The following RARB variants were observed in gnomAD, a reference collection of about 807,000 sequenced individuals.
RARB encodes the protein HBV-activated protein.
Under a neutral mutation model 51.9 loss-of-function variants are expected in RARB, and 17 were observed. The ratio of observed to expected loss-of-function variants is 0.33; its 90% CI spans 0.22 to 0.49. RARB has a LOEUF of 0.49. Ranked by LOEUF, RARB falls within the 20% of genes least tolerant of loss-of-function variation. RARB has a pLI of 0.99. For missense variants in RARB, 369 were observed against 550.8 expected (o/e 0.67, Z 3.30); for synonymous variants, 215 against 195.4 (o/e 1.10, Z -0.84).
At chr3:25,364,420 G>A (rs1706048825) in intron 5 of RARB, among the ~76,000 whole-genome samples, 1 of 152,176 alleles carries the variant, frequency 6.6e-6, no homozygotes, top group African/African-American at 2.4e-5. Context: ...CCAGAATAAT[G>A]CACATCTGCA....
intron 5 of RARB, among the ~76,000 whole-genome samples, chr3:25,321,603 G>A (rs987637299): frequency 4.6e-5 from 7 of 151,972 alleles, no homozygotes; most frequent in African/African-American, 1.7e-4. Context: ...TGTAATCCCA[G>A]CTACTCGGGA....
At chr3:25,175,665 A>C (rs1700729018) in intron 5 of RARB, among the ~76,000 whole-genome samples, 1 of 152,204 alleles carries the variant, frequency 6.6e-6, no homozygotes, top group Non-Finnish European at 1.5e-5. Context: ...AGATAGGCAA[A>C]CAGATGATAG....
chr3:25,060,005 C>T (rs1241734149), intron 2 of RARB: 1 of 151,656 alleles, frequency 6.6e-6, no homozygotes, highest in African/African-American at 2.4e-5. Context: ...GCATCTTTCC[C>T]TATTAAAATA....
intron 2 of RARB, among the ~76,000 whole-genome samples, chr3:24,874,394 A>C (rs1353529197): frequency 1.3e-5 from 2 of 152,182 alleles, no homozygotes; most frequent in East Asian, 3.9e-4. Context: ...ATTGATTACT[A>C]AGATTTGTTA....
chr3:25,519,196 G>C (rs986237509), intron 3 of RARB, among the ~76,000 whole-genome samples: 18 of 152,124 alleles, frequency 1.2e-4, no homozygotes, highest in African/African-American at 4.3e-4. Context: ...GTTGTTTCTG[G>C]TTAGAAGCTA....
In RARB at chr3:25,338,096, AACACACAC is replaced by A. The variant is rs10523484; in HGVS notation, c.179-123065_179-123058del. On this transcript the variant is annotated intron_variant, in intron 5 of 11. Coordinates refer to the RARB transcript ENST00000383772. ...GTATGTCACCCCCCTCCAAACCCCCAACACACACACACACACACACACACACACACACA... is the reference window on the plus strand; with the variant it reads ...GTATGTCACCCCCCTCCAAACCCCCAACACACACACACACACACACACACA... 8.0e-4 allele frequency among the ~76,000 whole-genome samples: 115 copies of A among 144,046 alleles called. 1 individual carries two copies. The highest frequency in any genetic ancestry group is 3.5e-3 in the Middle Eastern group (1 of 284). The allele number at this position is 144,046 out of a possible 152,430, so 94.5% of individuals were successfully genotyped here. A position where few individuals can be genotyped will look rare whatever the true frequency, so the allele number is the denominator to read the frequency against.
chr3:24,858,654 G>A (rs1390755036), intron 1 of RARB: 2 of 152,150 alleles, frequency 1.3e-5, no homozygotes, highest in East Asian at 3.8e-4. Context: ...ACTGCTAAAT[G>A]AAAACCATTG....
chr3:25,371,871 T>C (rs1398621063), intron 5 of RARB, among the ~76,000 whole-genome samples: 1 of 152,048 alleles, frequency 6.6e-6, no homozygotes, highest in African/African-American at 2.4e-5. Flanking sequence ...TGATGTGGTG[T>C]GAAAGAAAGT....
intron 5 of RARB, among the ~76,000 whole-genome samples, chr3:25,370,930 G>C (rs1223617471): frequency 3.3e-5 from 5 of 152,120 alleles, no homozygotes; most frequent in Non-Finnish European, 7.4e-5. Flanking sequence ...GGGCACCTTA[G>C]CCCCTGGCTT....
intron 3 of RARB, among the ~76,000 whole-genome samples, chr3:25,524,085 A>C (rs17591410): frequency 0.048 from 7,304 of 152,268 alleles, 215 homozygotes; most frequent in Non-Finnish European, 0.071. Context: ...GCTAGGAAGG[A>C]ATTTGTTTAA....
intron 2 of RARB, among the ~76,000 whole-genome samples, chr3:24,976,358 A>G (rs2125421678): frequency 6.6e-6 from 1 of 152,300 alleles, no homozygotes; most frequent in South Asian, 2.1e-4. Flanking sequence ...GTCTTCCACA[A>G]TGATTGAACT....
chr3:25,067,226 G>A (rs149036850), intron 3 of RARB, among the ~76,000 whole-genome samples: 14 of 152,276 alleles, frequency 9.2e-5, no homozygotes, highest in African/African-American at 3.4e-4. Context: ...CCAGAGGTTG[G>A]ATGATACTGC....
intron 1 of RARB, among the ~76,000 whole-genome samples, chr3:25,434,920 A>G (rs549728387): frequency 3.3e-5 from 5 of 152,088 alleles, no homozygotes; most frequent in Non-Finnish European, 7.4e-5. Context: ...TTCATTTGCT[A>G]CCAGCCCTGA....
intron 5 of RARB, among the ~76,000 whole-genome samples, chr3:25,394,105 T>A (rs1191670782): frequency 6.6e-6 from 1 of 152,060 alleles, no homozygotes; most frequent in Non-Finnish European, 1.5e-5. Flanking sequence ...TTTGTCACTA[T>A]TATTCAGTTC....
chr3:25,291,461 T>C (rs371853874), intron 5 of RARB, among the ~76,000 whole-genome samples: 1 of 150,346 alleles, frequency 6.7e-6, no homozygotes, highest in Admixed American at 6.6e-5. Context: ...TAAAAATGCT[T>C]GAGCCAGATG....
chr3:25,274,641 C>T (rs1014905029), intron 5 of RARB, among the ~76,000 whole-genome samples: 1 of 152,094 alleles, frequency 6.6e-6, no homozygotes, highest in Non-Finnish European at 1.5e-5. Flanking sequence ...ATAATAACAA[C>T]TATTTTTTTT....
intron 5 of RARB, among the ~76,000 whole-genome samples, chr3:25,193,164 A>G (rs1338519474): frequency 6.6e-6 from 1 of 151,978 alleles, no homozygotes; most frequent in African/African-American, 2.4e-5. Context: ...TTTAATCTTA[A>G]CTTTTTGGCT....
chr3:25,122,943 C>A (rs1344646347), intron 3 of RARB, among the ~76,000 whole-genome samples: 1 of 152,126 alleles, frequency 6.6e-6, no homozygotes, highest in Non-Finnish European at 1.5e-5. Context: ...ACATTTATGT[C>A]ATAAAAGGCA....
At position 25,597,722 on chromosome 3, in the gene RARB, T is replaced by C. The variant is rs1701926968; in HGVS notation, c.*1106T>C. 6.6e-6 allele frequency: 1 copy of C among 152,518 alleles called. No individual in the cohort carries two copies. The highest frequency in any genetic ancestry group is 2.4e-5 in the African/African-American group (1 of 41,420). 9.4% of individuals were successfully genotyped at this position (152,518 alleles called of 1,614,324 possible). On this transcript the variant is annotated 3_prime_UTR_variant, in exon 8 of 8. Coordinates refer to ENST00000330688, the MANE Select transcript of RARB (RefSeq NM_000965.5). ...AAGCAGAGTGAAAGCTGTGGTAGAG[T>C]GGTTAACAGATACAAGTGTCAGTTT... is the stretch of plus-strand genomic sequence containing the variant.
Sources: gnomAD v4.1 joint callset for allele counts (sites outside exome capture counted in the v4.1 genomes callset) on GRCh38, gnomAD v4.1.1 for gene constraint, MANE v1.5 for transcripts, NCBI Gene and HGNC (gene_info 2026-07-23, HGNC 2026-07-21) for gene names.